The following DDX23 variants were observed in gnomAD, a reference collection of about 807,000 sequenced individuals.
DDX23 encodes DEAD-box helicase 23.
Under a neutral mutation model 102.7 loss-of-function variants are expected in DDX23, and 33 were observed. That is an observed-to-expected ratio of 0.32 (90% CI 0.24 to 0.43). The LOEUF (loss-of-function observed/expected upper bound fraction) is 0.43, where lower values mean the gene tolerates loss of function less well. Among genes scored for constraint, DDX23 ranks in the 20% least tolerant of loss-of-function variants. The pLI is 1.00. For missense variants in DDX23, 549 were observed against 1,086.6 expected (o/e 0.51, Z 6.96); for synonymous variants, 352 against 376.0 (o/e 0.94, Z 0.74).
chr12:48,836,854 C>T lies in DDX23; in HGVS notation c.1010+40G>A, dbSNP rs760491897. ...GCCCTCCAACTCCTTTCTGTAGAGC[C>T]TCTGGGCTCTGTCCAGCCACCCTAG... On this transcript the variant is annotated intron_variant, in intron 9 of 16. Transcript: ENST00000308025. This position sits in a 1 kb window ranked among gnomAD's most constrained non-coding sequence, Gnocchi z 6.1. 2.5e-6 allele frequency: 4 copies of T among 1,613,882 alleles called. No individual in the cohort carries two copies. The East Asian group carries it at 6.7e-5, about 27-fold the overall frequency.
intron 11 of DDX23, among the ~76,000 whole-genome samples, chr12:48,835,861 A>G (rs1398564437): frequency 6.6e-6 from 1 of 152,224 alleles, no homozygotes; most frequent in South Asian, 2.1e-4. Flanking sequence ...ACTGCACTCC[A>G]GCCTGGGTGA....
rs763080545 is a variant in DDX23, at chr12:48,843,992, G to A, written c.268C>T (p.Arg90Ter). ...DKERDRNKKD[R>*]DRDKDGHRRD... ...CTGTGCCCATCCTTGTCTCGATCTC[G>A]GTCCTTCTTATTCCGATCCCGCTCC... The change falls in exon 3 of 17, where the codon CGA becomes TGA. Residue 90 changes from arginine (R) to a stop codon, truncating the protein, a stop_gained. Transcript: ENST00000308025. LOFTEE classifies it high-confidence loss of function. 1.9e-6 allele frequency: 3 copies of A among 1,613,980 alleles called. No individual in the cohort carries two copies. The highest frequency in any genetic ancestry group is 1.7e-6 in the Non-Finnish European group (2 of 1,180,000).
intron 1 of DDX23, among the ~76,000 whole-genome samples, chr12:48,849,344 A>C (rs1938720937): frequency 6.6e-6 from 1 of 152,136 alleles, no homozygotes; most frequent in Admixed American, 6.5e-5. Context: ...TTTGAACAAT[A>C]AAATTTTACA....
chr12:48,837,114 G>A (rs970681518), intron 8 of DDX23, 77 bp from the exon 9 acceptor site: 2 of 1,589,780 alleles, frequency 1.3e-6, no homozygotes, highest in African/African-American at 2.7e-5. Flanking sequence ...CTACTAGTAT[G>A]AAACAGTTCT....
rs1938403741 is a variant in DDX23, at chr12:48,832,385, C to T, written c.1955+37G>A. The T allele has an allele frequency of 6.2e-7, 1 of 1,603,674 alleles. No individual in the cohort carries two copies. Among genetic ancestry groups the T allele is most frequent in the Non-Finnish European group, 8.5e-7 (1 of 1,172,050 alleles). On this transcript the variant is annotated intron_variant, in intron 14 of 16. Coordinates refer to ENST00000308025, the MANE Select transcript of DDX23 (RefSeq NM_004818.3). The surrounding 1 kb of genome is among the most constrained non-coding windows in gnomAD (Gnocchi z 4.4). ...AAAAAGTTCTCAGAGCCATTTTATT[C>T]TCCACCCTGTTTCCCCTGGCTCAGC...
rs769493906 is a variant in DDX23 at position 48,840,077 on chromosome 12, T to C, written c.350A>G (p.Lys117Arg). ...CTTAGAGTCTCTGTCCTTCCGAGAT[T>C]TAAAGTCTTTTCCTCGACCAGGAGA... ...SLSPGRGKDF[K>R]SRKDRDSKKD... Residue 117 changes from lysine (K) to arginine (R), a missense_variant, in exon 4 of 17, where the codon AAA becomes AGA. Physicochemically the swap from Lys to Arg is conservative, Grantham distance 26 (BLOSUM62 2). Transcript: ENST00000308025. 8.7e-6 allele frequency: 14 copies of C among 1,614,018 alleles called. No homozygotes were observed. The highest frequency in any genetic ancestry group is 3.3e-5 in the Admixed American group (2 of 59,994).
intron 1 of DDX23, among the ~76,000 whole-genome samples, chr12:48,846,655 A>G (rs1938672887): frequency 6.6e-6 from 1 of 152,204 alleles, no homozygotes; most frequent in Non-Finnish European, 1.5e-5. Flanking sequence ...GGTACACAGA[A>G]CCTCTATACA....
rs1565678340 is a variant in DDX23 at position 48,842,546 on chromosome 12, T to TG, written c.320+1393dup. On this transcript the variant is annotated intron_variant, in intron 3 of 16. Transcript: ENST00000308025. ...CCAGCCGCCCCGTCCGGGAGGGAGGTGGGGGGGTCAGCCCCCCGCCCGGCC... is the reference window on the plus strand; with the variant it reads ...CCAGCCGCCCCGTCCGGGAGGGAGGTGGGGGGGGTCAGCCCCCCGCCCGGCC... Among the ~76,000 whole-genome samples the TG allele has an allele frequency of 2.3e-4, 27 of 116,766 alleles. No individual in the cohort carries two copies. In the South Asian group the frequency reaches 5.5e-3, roughly 24 times the overall value. The allele number at this position is 116,766 out of a possible 152,430, so 76.6% of individuals were successfully genotyped here.
intron 1 of DDX23, among the ~76,000 whole-genome samples, chr12:48,848,687 C>A (rs1017487183): frequency 1.3e-5 from 2 of 152,018 alleles, no homozygotes; most frequent in African/African-American, 4.8e-5. Flanking sequence ...CAGGCTCAAG[C>A]GATCCTCCTG....
At chr12:48,835,361 T>A (rs1038668874) in intron 11 of DDX23, 2 of 153,758 alleles carry the variant, frequency 1.3e-5, no homozygotes, top group Admixed American at 1.3e-4. Flanking sequence ...TCAGTTGAGA[T>A]CGGGAGTTTG....
At chr12:48,833,128 T>G (rs1592199555) in intron 13 of DDX23, 149 bp downstream of exon 13, 2 of 1,170,304 alleles carry the variant, frequency 1.7e-6, no homozygotes, top group Non-Finnish European at 1.2e-6. Flanking sequence ...GCACCACAGG[T>G]GTGCACCACC....
chr12:48,842,469 C>G (rs1177469099), intron 3 of DDX23, among the ~76,000 whole-genome samples: 2 of 141,304 alleles, frequency 1.4e-5, no homozygotes, highest in Non-Finnish European at 3.1e-5. Flanking sequence ...GCCCCCCGCC[C>G]GGCCAGCCAC....
chr12:48,846,864 C>T (rs918294064), intron 1 of DDX23, among the ~76,000 whole-genome samples: 1 of 152,116 alleles, frequency 6.6e-6, no homozygotes, highest in African/African-American at 2.4e-5. Flanking sequence ...CACCGAACAC[C>T]ACTCCCACAC....
At position 48,830,076 on chromosome 12, in the gene DDX23, A is replaced by G. The variant is rs1478439324; in HGVS notation, c.*393T>C. On this transcript the variant is annotated 3_prime_UTR_variant, in exon 17 of 17. Transcript: ENST00000308025. This position sits in a 1 kb window ranked among gnomAD's most constrained non-coding sequence, Gnocchi z 4.9. ...CTGGGGCATCTAGGGCAATGATGCTACTGCAGTTTATGCAGTTACACAGTC... is the reference window on the plus strand; with the variant it reads ...CTGGGGCATCTAGGGCAATGATGCTGCTGCAGTTTATGCAGTTACACAGTC... 2.6e-6 allele frequency: 1 copy of G among 385,072 alleles called. No individual in the cohort carries two copies. Among genetic ancestry groups the G allele is most frequent in the Non-Finnish European group, 5.1e-6 (1 of 196,158 alleles). 23.9% of individuals were successfully genotyped at this position (385,072 alleles called of 1,614,324 possible). A position where few individuals can be genotyped will look rare whatever the true frequency, so the allele number is the denominator to read the frequency against.
chr12:48,849,325 C>T (rs1474974124), intron 1 of DDX23, among the ~76,000 whole-genome samples: 1 of 152,068 alleles, frequency 6.6e-6, no homozygotes, highest in African/African-American at 2.4e-5. Context: ...AGCAAGACTT[C>T]CCGTCTATTT....
At chr12:48,850,537 G>C (rs1938739370) in intron 1 of DDX23, among the ~76,000 whole-genome samples, 1 of 151,950 alleles carries the variant, frequency 6.6e-6, no homozygotes. Flanking sequence ...TAAAGCCATG[G>C]GACACTAAAT....
chr12:48,843,514 G>A (rs1938607060), intron 3 of DDX23, among the ~76,000 whole-genome samples: 1 of 148,000 alleles, frequency 6.8e-6, no homozygotes, highest in Non-Finnish European at 1.5e-5. Flanking sequence ...ACTACCAACA[G>A]AATCTGTTAA....
intron 15 of DDX23, among the ~76,000 whole-genome samples, 161 bp from the exon 16 acceptor site, chr12:48,831,477 C>G (rs1938385565): frequency 6.6e-6 from 1 of 152,060 alleles, no homozygotes; most frequent in Admixed American, 6.6e-5. Context: ...AAGGAGAGAA[C>G]AAGTGAGCTG....
chr12:48,843,169 G>A (rs1376599011), intron 3 of DDX23, among the ~76,000 whole-genome samples: 4 of 149,982 alleles, frequency 2.7e-5, no homozygotes, highest in East Asian at 1.9e-4. Context: ...GCGGAAGGCC[G>A]CAGGGTCCTC....
Sources: allele counts gnomAD v4.1 joint callset (sites outside exome capture counted in the v4.1 genomes callset), GRCh38; gene constraint gnomAD v4.1.1; non-coding constraint Gnocchi (gnomAD v3.1); transcripts MANE v1.5; gene names NCBI Gene and HGNC (gene_info 2026-07-23, HGNC 2026-07-21).